SNRPN: variants seen among roughly 807,000 people sequenced by gnomAD.
SNRPN encodes small nuclear ribonucleoprotein polypeptide N, also known as small nuclear ribonucleoprotein-associated protein N.
In SNRPN, 7 loss-of-function variants were observed where a neutral mutation model predicts 25.2. The ratio of observed to expected loss-of-function variants is 0.28; its 90% CI spans 0.16 to 0.52. SNRPN has a LOEUF of 0.52. Ranked by LOEUF, SNRPN falls within the 20% of genes least tolerant of loss-of-function variation. SNRPN has a pLI of 0.96. For missense variants in SNRPN, 196 were observed against 322.5 expected, an observed-to-expected ratio of 0.61 and a Z score of 3.00; for synonymous variants, 124 against 110.6, an observed-to-expected ratio of 1.12 and a Z score of -0.76.
intron 2 of SNRPN, among the ~76,000 whole-genome samples, chr15:24,894,087 T>A (rs1490982804): frequency 6.6e-6 from 1 of 152,192 alleles, no homozygotes; most frequent in Non-Finnish European, 1.5e-5. Flanking sequence ...AGATGTTAGC[T>A]GCAAATGGGT....
rs180796092 is a variant in SNRPN at position 24,841,774 on chromosome 15, G to C, written c.-579+11869G>C. Reference sequence around the variant, plus strand: ...CCTGACTCTTCCCATCTTCTGGGCTGACATTGTACGTGTTAGTTCCTCTCA... The same window carrying C: ...CCTGACTCTTCCCATCTTCTGGGCTCACATTGTACGTGTTAGTTCCTCTCA... On this transcript the variant is annotated intron_variant, in intron 2 of 12. Coordinates refer to the SNRPN transcript ENST00000400100. Among the ~76,000 whole-genome samples, 557 of 152,244 alleles carry C rather than the reference G, an allele frequency of 3.7e-3. 1 individual carries two copies. The highest frequency in any genetic ancestry group is 6.2e-3 in the Non-Finnish European group (422 of 68,028).
At chr15:24,916,970 C>T (rs571061403) in intron 2 of SNRPN, among the ~76,000 whole-genome samples, 35 of 152,284 alleles carry the variant, frequency 2.3e-4, no homozygotes, top group African/African-American at 8.4e-4. Flanking sequence ...GTGGAGTGGC[C>T]AGCTTTTATT....
At position 24,871,909 on chromosome 15, in the gene SNRPN, G is replaced by A. The variant is rs932372237; in HGVS notation, c.-578-14607G>A. Reference sequence around the variant, plus strand: ...TTTAGCAGAGACGGGGTTTCACCATGTTAGCCAGGATGGTCTCGATCTCCT... The same window carrying A: ...TTTAGCAGAGACGGGGTTTCACCATATTAGCCAGGATGGTCTCGATCTCCT... On this transcript the variant is annotated intron_variant, in intron 1 of 11. Coordinates refer to the SNRPN transcript ENST00000400097. Among the ~76,000 whole-genome samples the A allele has an allele frequency of 5.1e-5, 6 of 118,702 alleles. 1 individual carries two copies. The highest frequency in any genetic ancestry group is 1.8e-5 in the Non-Finnish European group (1 of 54,408). 77.9% of individuals were successfully genotyped at this position (118,702 alleles called of 152,430 possible).
At chr15:24,890,241 C>G (rs2057563005) in intron 2 of SNRPN, among the ~76,000 whole-genome samples, 1 of 152,006 alleles carries the variant, frequency 6.6e-6, no homozygotes, top group South Asian at 2.1e-4. Flanking sequence ...TAATGGGACC[C>G]TCATTTCAGA....
intron 2 of SNRPN, among the ~76,000 whole-genome samples, chr15:24,847,177 A>G (rs1177820739): frequency 6.6e-6 from 1 of 152,098 alleles, no homozygotes; most frequent in East Asian, 1.9e-4. Context: ...ATTTCAAAAT[A>G]CCTGCTACAC....
chr15:24,845,338 C>A (rs931488355), intron 2 of SNRPN, among the ~76,000 whole-genome samples: 3 of 152,230 alleles, frequency 2.0e-5, no homozygotes, highest in Non-Finnish European at 4.4e-5. Flanking sequence ...GTGGCTCACG[C>A]CTGTAATCTG....
chr15:24,877,226 A>T (rs1195586535), intron 1 of SNRPN, among the ~76,000 whole-genome samples: 1 of 152,180 alleles, frequency 6.6e-6, no homozygotes, highest in African/African-American at 2.4e-5. Context: ...CCTACGAAAG[A>T]TGCTAGTTCA....
upstream of SNRPN, among the ~76,000 whole-genome samples, chr15:24,950,263 G>A (rs1398868749): frequency 4.6e-5 from 7 of 151,248 alleles, no homozygotes; most frequent in Non-Finnish European, 1.0e-4. Context: ...TGCAACCTCC[G>A]CCTCCTGGGT....
chr15:24,843,788 A>AACACACACACACACAC (rs56693061), intron 2 of SNRPN, among the ~76,000 whole-genome samples: 6,078 of 139,754 alleles, frequency 0.043, 179 homozygotes, highest in Non-Finnish European at 0.052. Flanking sequence ...CTCCATCACA[A>AACACACACACACACAC]ACACACACAC....
chr15:24,939,330 G>A (rs2061413712), intron 3 of SNRPN, among the ~76,000 whole-genome samples: 1 of 151,510 alleles, frequency 6.6e-6, no homozygotes, highest in Non-Finnish European at 1.5e-5. Context: ...TGATTTCCCT[G>A]ATGATTAGTG....
intron 2 of SNRPN, chr15:24,909,830 CA>C (rs1340252338): frequency 2.7e-6 from 3 of 1,101,748 alleles, no homozygotes; most frequent in Non-Finnish European, 4.1e-6. Flanking sequence ...CCCCATCCTG[CA>C]GAACAGAGAC....
intron 3 of SNRPN, among the ~76,000 whole-genome samples, chr15:24,930,059 T>C (rs2647358): frequency 0.77 from 116,928 of 151,866 alleles, 45,673 homozygotes; most frequent in African/African-American, 0.9. Flanking sequence ...TGGTGGCAGG[T>C]GCCTGTAGTG....
intron 3 of SNRPN, among the ~76,000 whole-genome samples, chr15:24,972,333 T>C (rs1287736988): frequency 1.3e-5 from 2 of 151,626 alleles, no homozygotes; most frequent in Non-Finnish European, 2.9e-5. Context: ...TTATAAAGAA[T>C]CATAAGATAA....
At chr15:24,926,122 T>C (rs1247480418) in intron 3 of SNRPN, among the ~76,000 whole-genome samples, 1 of 152,064 alleles carries the variant, frequency 6.6e-6, no homozygotes, top group African/African-American at 2.4e-5. Context: ...AGTCCTTCTG[T>C]CCAAAGTGCT....
At chr15:24,919,929 C>A (rs1040217097) in intron 2 of SNRPN, 1 of 152,112 alleles carries the variant, frequency 6.6e-6, no homozygotes, top group East Asian at 1.9e-4. Context: ...ACACAAAGCA[C>A]GTTTTGCATA....
chr15:24,969,518 A>G (rs2076134640), intron 3 of SNRPN, among the ~76,000 whole-genome samples: 1 of 152,236 alleles, frequency 6.6e-6, no homozygotes. Flanking sequence ...TAGCAATTGC[A>G]TAAGCAAATT....
At position 24,923,877 on chromosome 15, in the gene SNRPN, GTGTA is replaced by G. The variant is rs202154732; in HGVS notation, c.-391+3757_-391+3760del. Among the ~76,000 whole-genome samples, 496 of 98,524 alleles carry G rather than the reference GTGTA, an allele frequency of 5.0e-3. 5 individuals carry two copies. Among genetic ancestry groups the G allele is most frequent in the Middle Eastern group, 0.012 (2 of 164 alleles). 64.6% of individuals were successfully genotyped at this position (98,524 alleles called of 152,430 possible). On this transcript the variant is annotated intron_variant, in intron 3 of 11. Coordinates refer to the SNRPN transcript ENST00000400097. ...TTAGGATTTGTTTCTTTTTAGTGCC[GTGTA>G]TGTGTGTGTGTGTGTGTGTGTGTGT...
At chr15:24,870,824 T>C (rs1254894126) in intron 1 of SNRPN, among the ~76,000 whole-genome samples, 1 of 151,628 alleles carries the variant, frequency 6.6e-6, no homozygotes, top group African/African-American at 2.4e-5. Flanking sequence ...TTTCTCTGTA[T>C]TCCTCTATGG....
chr15:24,875,111 T>G (rs2055725170), intron 1 of SNRPN, among the ~76,000 whole-genome samples: 1 of 152,226 alleles, frequency 6.6e-6, no homozygotes, highest in African/African-American at 2.4e-5. Flanking sequence ...TTTCAATTCC[T>G]TAGAAAACAC....
Sources: allele counts gnomAD v4.1 joint callset (sites outside exome capture counted in the v4.1 genomes callset), GRCh38; gene constraint gnomAD v4.1.1; transcripts MANE v1.5; gene names NCBI Gene and HGNC (gene_info 2026-07-23, HGNC 2026-07-21).